Variants in SS18 observed in about 807,000 individuals in gnomAD.
SS18 encodes protein SSXT.
SS18 carries 28 observed loss-of-function variants against 72.5 expected under a neutral mutation model. That is an observed-to-expected ratio of 0.39 (90% CI 0.29 to 0.53). The LOEUF (loss-of-function observed/expected upper bound fraction) is 0.53. Ranked by LOEUF, SS18 falls within the 20% of genes least tolerant of loss-of-function variation. The probability of loss-of-function intolerance (pLI) is 0.76; values close to 1 mark genes in which losing one functional copy is unlikely to be tolerated. For missense variants in SS18, 518 were observed against 535.3 expected (o/e 0.97, Z 0.32); for synonymous variants, 172 against 164.2 (o/e 1.05, Z -0.37).
chr18:26,088,018 C>T (rs2054646777), intron 1 of SS18, among the ~76,000 whole-genome samples: 2 of 152,226 alleles, frequency 1.3e-5, no homozygotes, highest in South Asian at 2.1e-4. Flanking sequence ...TTCATCTATA[C>T]AGAAATTGAA....
chr18:26,072,156 G>A (rs1008424198), intron 3 of SS18, among the ~76,000 whole-genome samples: 14 of 151,776 alleles, frequency 9.2e-5, no homozygotes, highest in Non-Finnish European at 8.8e-5. Context: ...ATTGAGGGAA[G>A]GAACAGAAAT....
intron 10 of SS18, among the ~76,000 whole-genome samples, chr18:26,030,315 G>A (rs2053522600): frequency 6.6e-6 from 1 of 152,078 alleles, no homozygotes; most frequent in South Asian, 2.1e-4. Context: ...CATCTACCTG[G>A]CTAATATTGG....
chr18:26,046,403 C>T (rs1316281238), intron 5 of SS18, among the ~76,000 whole-genome samples: 2 of 151,926 alleles, frequency 1.3e-5, no homozygotes, highest in Non-Finnish European at 2.9e-5. Flanking sequence ...GATTGGCATC[C>T]AACATTTTAT....
chr18:26,044,285 C>G (rs9963501), intron 5 of SS18, among the ~76,000 whole-genome samples: 38,498 of 151,058 alleles, frequency 0.25, 8,565 homozygotes, highest in African/African-American at 0.6. Flanking sequence ...TGAAGTAAGA[C>G]GTGTTTTTTA....
chr18:26,082,051 T>G (rs1341667005), intron 2 of SS18, among the ~76,000 whole-genome samples: 1 of 152,046 alleles, frequency 6.6e-6, no homozygotes, highest in Non-Finnish European at 1.5e-5. Flanking sequence ...AGAGTGAGAT[T>G]ATGTCTTGAA....
intron 3 of SS18, among the ~76,000 whole-genome samples, chr18:26,075,626 T>C (rs1310979126): frequency 6.6e-6 from 1 of 151,908 alleles, no homozygotes; most frequent in Non-Finnish European, 1.5e-5. Flanking sequence ...GCAAACATCA[T>C]ACTTAATGGT....
intron 3 of SS18, among the ~76,000 whole-genome samples, chr18:26,063,691 T>C (rs1293187912): frequency 1.3e-5 from 2 of 152,170 alleles, no homozygotes; most frequent in African/African-American, 2.4e-5. Flanking sequence ...AAAATGCATA[T>C]TTACAAGAAG....
intron 5 of SS18, among the ~76,000 whole-genome samples, chr18:26,044,987 C>CATTT (rs548382978): frequency 6.4e-4 from 98 of 152,322 alleles, no homozygotes; most frequent in African/African-American, 2.2e-3. Context: ...ACAAACTTTG[C>CATTT]ATTTGTCCTC....
In SS18 at chr18:26,053,835, T is replaced by C. The variant is rs372163086; in HGVS notation, c.386-990A>G. On this transcript the variant is annotated intron_variant, in intron 4 of 10. Transcript: ENST00000415083. Reference sequence around the variant, plus strand: ...GTGAAGAAAGAAGCACTTTCATCCATTGTTGAAGGAACAGAAATCTTACTT... The same window carrying C: ...GTGAAGAAAGAAGCACTTTCATCCACTGTTGAAGGAACAGAAATCTTACTT... 5.3e-5 allele frequency among the ~76,000 whole-genome samples: 8 copies of C among 152,326 alleles called. No homozygotes were observed. The East Asian group carries it at 1.2e-3, about 22-fold the overall frequency.
At position 26,082,083 on chromosome 18, in the gene SS18, T is replaced by C. The variant is rs1015091706; in HGVS notation, c.147-3923A>G. ...TGAAAAACAAAACAAAAAAAAAGAG[T>C]ATATGTTGATATGAGGAAAAAAAGG... On this transcript the variant is annotated intron_variant, in intron 2 of 10. Transcript: ENST00000415083. Among the ~76,000 whole-genome samples the C allele has an allele frequency of 2.0e-5, 3 of 151,670 alleles. No homozygotes were observed. The South Asian group carries it at 6.2e-4, about 32-fold the overall frequency.
chr18:26,019,881 T>C (rs1300629939), intron 10 of SS18, among the ~76,000 whole-genome samples: 1 of 148,786 alleles, frequency 6.7e-6, no homozygotes, highest in Non-Finnish European at 1.5e-5. Flanking sequence ...AAATCAATGA[T>C]CATCTTGAAG....
chr18:26,021,084 C>T (rs1156963196), intron 10 of SS18, among the ~76,000 whole-genome samples: 1 of 152,122 alleles, frequency 6.6e-6, no homozygotes, highest in East Asian at 1.9e-4. Flanking sequence ...CATACTTGAT[C>T]ACAATGCTAG....
At chr18:26,059,957 G>A (rs916204164) in intron 3 of SS18, among the ~76,000 whole-genome samples, 5 of 152,238 alleles carry the variant, frequency 3.3e-5, no homozygotes, top group Non-Finnish European at 7.3e-5. Flanking sequence ...TGGTGGAAAT[G>A]TAAAAGGGTA....
At chr18:26,074,230 A>T (rs1010723928) in intron 3 of SS18, among the ~76,000 whole-genome samples, 4 of 152,088 alleles carry the variant, frequency 2.6e-5, no homozygotes, top group African/African-American at 9.7e-5. Flanking sequence ...TTCAAAGTGT[A>T]ATAAAGACCA....
intron 3 of SS18, among the ~76,000 whole-genome samples, chr18:26,063,593 T>C (rs771689339): frequency 6.6e-5 from 10 of 152,216 alleles, no homozygotes; most frequent in East Asian, 1.9e-4. Flanking sequence ...ATGGAAATTT[T>C]AAAATATTTT....
At chr18:26,077,026 A>G (rs1010523259) in intron 3 of SS18, among the ~76,000 whole-genome samples, 1 of 151,946 alleles carries the variant, frequency 6.6e-6, no homozygotes, top group African/African-American at 2.4e-5. Flanking sequence ...TTTTAAAATA[A>G]TTACAGCTAA....
chr18:26,051,063 G>A (rs1404610309), intron 5 of SS18, among the ~76,000 whole-genome samples: 1 of 152,128 alleles, frequency 6.6e-6, no homozygotes, highest in African/African-American at 2.4e-5. Flanking sequence ...CTGACCAGGT[G>A]CAGTGGCTCA....
intron 3 of SS18, among the ~76,000 whole-genome samples, chr18:26,058,086 T>G (rs2054056618): frequency 6.6e-6 from 1 of 152,224 alleles, no homozygotes; most frequent in African/African-American, 2.4e-5. Context: ...ATACACTTAT[T>G]AATGATGGAT....
intron 4 of SS18, among the ~76,000 whole-genome samples, chr18:26,053,727 A>T (rs2053963996): frequency 1.3e-5 from 2 of 152,198 alleles, no homozygotes; most frequent in Admixed American, 1.3e-4. Context: ...GCTTCACTTA[A>T]AATAGGAAGG....
Sources: allele counts gnomAD v4.1 joint callset (sites outside exome capture counted in the v4.1 genomes callset), GRCh38; gene constraint gnomAD v4.1.1; transcripts MANE v1.5; gene names NCBI Gene and HGNC (gene_info 2026-07-23, HGNC 2026-07-21).